Variants in CTSS observed in about 807,000 individuals in gnomAD.
The protein encoded by CTSS is cathepsin S.
CTSS carries 15 observed loss-of-function variants against 39.9 expected under a neutral mutation model. The observed-to-expected ratio is 0.38, with a 90% confidence interval of 0.25 to 0.58. The LOEUF (loss-of-function observed/expected upper bound fraction) is 0.58. CTSS is among the 20% of genes least tolerant of loss of function. The probability of loss-of-function intolerance (pLI) is 0.70; values close to 1 mark genes in which losing one functional copy is unlikely to be tolerated. For synonymous variants in CTSS, 126 were observed against 138.2 expected, an observed-to-expected ratio of 0.91 and a Z score of 0.62; for missense variants, 250 against 398.2, an observed-to-expected ratio of 0.63 and a Z score of 3.17.
intron 6 of CTSS, among the ~76,000 whole-genome samples, chr1:150,748,944 C>A (rs1323419304): frequency 1.3e-5 from 2 of 152,118 alleles, no homozygotes; most frequent in Non-Finnish European, 2.9e-5. Flanking sequence ...GATGTTACTT[C>A]ATAATTTTGA....
At chr1:150,749,893 A>G in intron 6 of CTSS, 113 bp downstream of exon 6, 1 of 845,144 alleles carries the variant, frequency 1.2e-6, no homozygotes, top group Admixed American at 2.9e-5. Context: ...AGGCTCAAGC[A>G]ATCCTCCCAC....
intron 7 of CTSS, among the ~76,000 whole-genome samples, chr1:150,743,757 G>A (rs1228116131): frequency 9.9e-3 from 8 of 812 alleles, no homozygotes; most frequent in African/African-American, 0.038. Flanking sequence ...TATATTATAT[G>A]TATATTATGT....
chr1:150,746,363 G>T (rs747303505), intron 7 of CTSS, among the ~76,000 whole-genome samples: 7 of 151,982 alleles, frequency 4.6e-5, no homozygotes, highest in Non-Finnish European at 8.8e-5. Flanking sequence ...TAGAAGTTAT[G>T]TTCCTTTTGT....
chr1:150,762,316 A>G (rs587771284), intron 2 of CTSS, among the ~76,000 whole-genome samples: 82 of 152,328 alleles, frequency 5.4e-4, no homozygotes, highest in African/African-American at 1.9e-3. Flanking sequence ...CTGAAACTAT[A>G]TACAACCACT....
intron 3 of CTSS, among the ~76,000 whole-genome samples, chr1:150,756,785 C>T (rs1653139957): frequency 1.4e-5 from 2 of 148,008 alleles, no homozygotes; most frequent in Admixed American, 6.9e-5. Context: ...GGCATGACCT[C>T]GGCTCACTGC....
chr1:150,754,118 T>C (rs1653065318), intron 4 of CTSS, among the ~76,000 whole-genome samples: 1 of 150,888 alleles, frequency 6.6e-6, no homozygotes, highest in Admixed American at 6.6e-5. Flanking sequence ...ACACTTTTTT[T>C]TTTTTTTTTT....
At position 150,764,889 on chromosome 1, in the gene CTSS, A is replaced by C. The variant is rs587754419; in HGVS notation, c.-1-125T>G. On this transcript the variant is annotated intron_variant, in intron 1 of 7. Transcript: ENST00000368985. ...GGGACAGACTATTATAAACAGAATTATACAGGAAAATTCCTGGGATATATA... is the reference window on the plus strand; with the variant it reads ...GGGACAGACTATTATAAACAGAATTCTACAGGAAAATTCCTGGGATATATA... 1.2e-4 allele frequency: 132 copies of C among 1,106,670 alleles called. No homozygotes were observed. The African/African-American group carries it at 2.0e-3, about 17-fold the overall frequency. 68.6% of individuals were successfully genotyped at this position (1,106,670 alleles called of 1,614,324 possible).
chr1:150,739,876 A>G (rs146383890), intron 7 of CTSS, among the ~76,000 whole-genome samples: 51 of 143,386 alleles, frequency 3.6e-4, no homozygotes, highest in African/African-American at 1.2e-3. Flanking sequence ...AAAATTAAAG[A>G]AGTTAAATAA....
chr1:150,734,550 A>G (rs587730501), intron 7 of CTSS, among the ~76,000 whole-genome samples: 1 of 152,192 alleles, frequency 6.6e-6, no homozygotes, highest in African/African-American at 2.4e-5. Flanking sequence ...CTGAGGTAGG[A>G]GAATCGCTTG....
intron 7 of CTSS, among the ~76,000 whole-genome samples, chr1:150,737,045 A>G (rs1652648975): frequency 6.6e-6 from 1 of 152,200 alleles, no homozygotes; most frequent in Non-Finnish European, 1.5e-5. Flanking sequence ...AAGTGAAGGT[A>G]GCTATTTTTA....
intron 7 of CTSS, among the ~76,000 whole-genome samples, chr1:150,741,257 C>G (rs1652750913): frequency 6.6e-6 from 1 of 152,120 alleles, no homozygotes; most frequent in South Asian, 2.1e-4. Context: ...CTTGGCCTCC[C>G]AAAGCTCTAG....
chr1:150,741,874 CA>C (rs1288779582), intron 7 of CTSS, among the ~76,000 whole-genome samples: 17 of 86,540 alleles, frequency 2.0e-4, no homozygotes, highest in South Asian at 1.6e-3. Context: ...GACTCTGTCT[CA>C]AAAAAAAAAG....
intron 2 of CTSS, among the ~76,000 whole-genome samples, chr1:150,760,413 A>G (rs1217401514): frequency 6.6e-6 from 1 of 152,246 alleles, no homozygotes; most frequent in Non-Finnish European, 1.5e-5. Context: ...CAATTGGGTG[A>G]AAATTTAAAG....
intron 7 of CTSS, among the ~76,000 whole-genome samples, chr1:150,743,203 G>C (rs1652804161): frequency 6.6e-6 from 1 of 152,028 alleles, no homozygotes; most frequent in Admixed American, 6.6e-5. Context: ...AATCAAGATA[G>C]TGAGAAATGT....
chr1:150,752,473 AT>A (rs924909896), intron 4 of CTSS, among the ~76,000 whole-genome samples: 1 of 152,176 alleles, frequency 6.6e-6, no homozygotes, highest in Non-Finnish European at 1.5e-5. Flanking sequence ...TATCTTCAGA[AT>A]TTTTTTGATT....
At chr1:150,759,484 G>T (rs933928604) in intron 2 of CTSS, among the ~76,000 whole-genome samples, 1 of 151,866 alleles carries the variant, frequency 6.6e-6, no homozygotes, top group Non-Finnish European at 1.5e-5. Flanking sequence ...CTATCTTTCA[G>T]ATTACTGATT....
intron 5 of CTSS, 42 bp from the exon 6 acceptor site, chr1:150,750,213 CCTGT>C: frequency 2.0e-6 from 3 of 1,467,788 alleles, no homozygotes; most frequent in Non-Finnish European, 2.8e-6. Context: ...TACTTCAACT[CCTGT>C]ATAAATCACC....
chr1:150,744,558 T>G (rs1315741229), intron 7 of CTSS, among the ~76,000 whole-genome samples: 1 of 120,574 alleles, frequency 8.3e-6, no homozygotes, highest in Admixed American at 1.0e-4. Flanking sequence ...ATTATATATG[T>G]ATATTATGTA....
chr1:150,738,490 ATTTT>A (rs200199076), intron 7 of CTSS, among the ~76,000 whole-genome samples: 1 of 138,908 alleles, frequency 7.2e-6, no homozygotes, highest in African/African-American at 2.6e-5. Flanking sequence ...GTGATCAGTG[ATTTT>A]TTTTTTTTTT....
Sources: gnomAD v4.1 joint callset for allele counts (sites outside exome capture counted in the v4.1 genomes callset) on GRCh38, gnomAD v4.1.1 for gene constraint, MANE v1.5 for transcripts, NCBI Gene and HGNC (gene_info 2026-07-23, HGNC 2026-07-21) for gene names.